HMCN1: variants seen among roughly 807,000 people sequenced by gnomAD.
HMCN1 encodes the protein hemicentin 1.
Under a neutral mutation model 625.9 loss-of-function variants are expected in HMCN1, and 321 were observed. That is an observed-to-expected ratio of 0.51 (90% CI 0.47 to 0.56). HMCN1 has a LOEUF of 0.56. Among genes scored for constraint, HMCN1 ranks in the 20% least tolerant of loss-of-function variants. HMCN1 has a pLI of 0.00. For synonymous variants in HMCN1, 2,425 were observed against 2,417.6 expected, an observed-to-expected ratio of 1.00 and a Z score of -0.09; for missense variants, 6,588 against 6,887.3, an observed-to-expected ratio of 0.96 and a Z score of 1.54.
At position 186,190,594 on chromosome 1, in the gene HMCN1, A is replaced by C. The variant is rs1653664588; in HGVS notation, c.*716A>C. On this transcript the variant is annotated 3_prime_UTR_variant, in exon 107 of 107. Coordinates refer to ENST00000271588, the MANE Select transcript of HMCN1 (RefSeq NM_031935.3). Reference sequence around the variant, plus strand: ...CAGTTGTACATGGCATGGAACTTTAAAAATTTTAATATAAACTTTCATCCA... The same window carrying C: ...CAGTTGTACATGGCATGGAACTTTACAAATTTTAATATAAACTTTCATCCA... 1 of 197,234 alleles carries C rather than the reference A, an allele frequency of 5.1e-6. No homozygotes were observed. Among genetic ancestry groups the C allele is most frequent in the Non-Finnish European group, 1.1e-5 (1 of 94,952 alleles). The allele number at this position is 197,234 out of a possible 1,614,324, so 12.2% of individuals were successfully genotyped here.
At chr1:185,770,955 T>C (rs1015950222) in intron 1 of HMCN1, among the ~76,000 whole-genome samples, 5 of 152,138 alleles carry the variant, frequency 3.3e-5, no homozygotes, top group Non-Finnish European at 7.4e-5. Context: ...TTGGGGCCTA[T>C]CGCAGTTTTG....
rs1311247879 is a variant in HMCN1 at position 186,119,734 on chromosome 1, T to C, written c.11957-11T>C. The C allele has an allele frequency of 6.2e-7, 1 of 1,613,224 alleles. No homozygotes were observed. Among genetic ancestry groups the C allele is most frequent in the Non-Finnish European group, 8.5e-7 (1 of 1,179,248 alleles). On this transcript the variant is annotated splice_polypyrimidine_tract_variant and intron_variant, in intron 78 of 106. Transcript: ENST00000271588. ...GCTATTACTTCTTTTTGTTGATTGG[T>C]TTTTTTATAGAGCCTCCAGTCATTC...
intron 55 of HMCN1, among the ~76,000 whole-genome samples, chr1:186,079,611 A>G (rs1444597572): frequency 6.6e-6 from 1 of 152,192 alleles, no homozygotes; most frequent in Non-Finnish European, 1.5e-5. Flanking sequence ...AAACACATCC[A>G]TGTACCTTAC....
intron 4 of HMCN1, among the ~76,000 whole-genome samples, chr1:185,894,507 T>C (rs1445354392): frequency 6.6e-6 from 1 of 152,204 alleles, no homozygotes; most frequent in Non-Finnish European, 1.5e-5. Flanking sequence ...CTTGGATCTG[T>C]ATCTAGAAGT....
chr1:185,788,083 A>G (rs1313661705), intron 1 of HMCN1, among the ~76,000 whole-genome samples: 1 of 152,192 alleles, frequency 6.6e-6, no homozygotes, highest in African/African-American at 2.4e-5. Flanking sequence ...AGCAAATTAA[A>G]TTACATTTAT....
intron 1 of HMCN1, among the ~76,000 whole-genome samples, chr1:185,814,181 G>A (rs969717897): frequency 6.6e-6 from 1 of 152,082 alleles, no homozygotes; most frequent in South Asian, 2.1e-4. Context: ...CTTCACAATC[G>A]AGTCTTCTTT....
chr1:186,013,311 T>A (rs1474637618), intron 30 of HMCN1, among the ~76,000 whole-genome samples: 1 of 152,180 alleles, frequency 6.6e-6, no homozygotes, highest in Admixed American at 6.6e-5. Context: ...TTAAGAAATA[T>A]AAAAGCCATT....
intron 103 of HMCN1, 94 bp from the exon 104 acceptor site, chr1:186,178,322 C>T: frequency 3.3e-6 from 3 of 908,614 alleles, no homozygotes; most frequent in South Asian, 2.8e-5. Context: ...ACAATGTCTT[C>T]AGTTTGTTTC....
intron 1 of HMCN1, among the ~76,000 whole-genome samples, chr1:185,782,990 A>T (rs1332801207): frequency 6.6e-6 from 1 of 152,094 alleles, no homozygotes; most frequent in Non-Finnish European, 1.5e-5. Flanking sequence ...CACCAATCAG[A>T]CGCACATTTG....
intron 1 of HMCN1, among the ~76,000 whole-genome samples, chr1:185,811,481 C>T (rs1156696234): frequency 2.0e-5 from 3 of 151,936 alleles, no homozygotes; most frequent in Admixed American, 6.6e-5. Context: ...CCTGTAAGTC[C>T]CAGCTGCTTA....
intron 82 of HMCN1, among the ~76,000 whole-genome samples, chr1:186,127,648 C>T (rs1273320100): frequency 6.6e-6 from 1 of 152,098 alleles, no homozygotes; most frequent in East Asian, 1.9e-4. Flanking sequence ...AGTGAGGCCT[C>T]AGAATTCTAG....
chr1:186,143,724 G>A (rs1650114901), intron 89 of HMCN1, among the ~76,000 whole-genome samples: 1 of 152,132 alleles, frequency 6.6e-6, no homozygotes, highest in Admixed American at 6.5e-5. Context: ...TGCTGTCTAG[G>A]GTCCAAATTA....
At chr1:185,806,994 C>A (rs1048261850) in intron 1 of HMCN1, among the ~76,000 whole-genome samples, 9 of 151,878 alleles carry the variant, frequency 5.9e-5, no homozygotes, top group African/African-American at 1.5e-4. Flanking sequence ...TAAAATTACA[C>A]CTTTGACTTT....
chr1:185,806,067 TATA>T (rs144630914), intron 1 of HMCN1, among the ~76,000 whole-genome samples: 8,737 of 151,748 alleles, frequency 0.058, 838 homozygotes, highest in African/African-American at 0.2. Context: ...ACAAACTTGA[TATA>T]ATAATAATAA....
chr1:186,093,699 A>G, intron 66 of HMCN1, 30 bp downstream of exon 66: 7 of 1,610,790 alleles, frequency 4.3e-6, no homozygotes, highest in Non-Finnish European at 5.9e-6. Context: ...GATTTCCTAA[A>G]CAGATGAAGT....
chr1:185,788,771 A>G (rs1407924957), intron 1 of HMCN1, among the ~76,000 whole-genome samples: 2 of 151,078 alleles, frequency 1.3e-5, no homozygotes, highest in Non-Finnish European at 2.9e-5. Flanking sequence ...CCCCAAGTGC[A>G]GTTTTTCTTT....
At chr1:185,842,963 CCT>C (rs1258349580) in intron 1 of HMCN1, among the ~76,000 whole-genome samples, 1 of 152,124 alleles carries the variant, frequency 6.6e-6, no homozygotes, top group Non-Finnish European at 1.5e-5. Flanking sequence ...GTTATCTTCA[CCT>C]CTTTCTTCAC....
chr1:186,046,030 G>A (rs191429629), intron 41 of HMCN1, among the ~76,000 whole-genome samples, 167 bp downstream of exon 41: 4 of 152,066 alleles, frequency 2.6e-5, no homozygotes, highest in South Asian at 2.1e-4. Flanking sequence ...AAATTTTTTT[G>A]TTTAGTGAGA....
At chr1:186,151,476 A>G in intron 94 of HMCN1, 127 bp downstream of exon 94, 2 of 1,257,394 alleles carry the variant, frequency 1.6e-6, no homozygotes, top group South Asian at 1.3e-5. Context: ...ACAAACATAC[A>G]TGAGGTACTG....
Sources: allele counts gnomAD v4.1 joint callset (sites outside exome capture counted in the v4.1 genomes callset), GRCh38; gene constraint gnomAD v4.1.1; transcripts MANE v1.5; gene names NCBI Gene and HGNC (gene_info 2026-07-23, HGNC 2026-07-21).